Variants in KIF16B observed in about 807,000 individuals in gnomAD.
KIF16B encodes kinesin family member 16B, also known as kinesin-like protein KIF16B.
Under a neutral mutation model 156.3 loss-of-function variants are expected in KIF16B, and 98 were observed. The ratio of observed to expected loss-of-function variants is 0.63; its 90% CI spans 0.53 to 0.74. The LOEUF is 0.74. Ranked by LOEUF, KIF16B falls within the 30% of genes least tolerant of loss-of-function variation. The pLI, the probability that KIF16B is intolerant of heterozygous loss-of-function variation, is 0.00. For synonymous variants in KIF16B, 564 were observed against 583.7 expected (o/e 0.97, Z 0.49); for missense variants, 1,421 against 1,606.5 (o/e 0.88, Z 1.97).
intron 1 of KIF16B, among the ~76,000 whole-genome samples, chr20:16,529,291 G>A (rs752740864): frequency 2.0e-5 from 3 of 152,086 alleles, no homozygotes; most frequent in Admixed American, 1.3e-4. Flanking sequence ...TCTTTAGAAC[G>A]ATAAAAATGA....
intron 24 of KIF16B, among the ~76,000 whole-genome samples, chr20:16,332,244 C>T (rs1257945246): frequency 6.6e-6 from 1 of 152,162 alleles, no homozygotes; most frequent in East Asian, 1.9e-4. Flanking sequence ...ATCTCCCACT[C>T]TTCAGTATCT....
At chr20:16,363,613 G>C (rs1235754533) in intron 22 of KIF16B, among the ~76,000 whole-genome samples, 1 of 152,174 alleles carries the variant, frequency 6.6e-6, no homozygotes, top group Non-Finnish European at 1.5e-5. Flanking sequence ...GTTGGCCAAT[G>C]AGATGTTAGC....
chr20:16,453,710 T>C (rs1220513529), intron 12 of KIF16B, among the ~76,000 whole-genome samples: 2 of 152,214 alleles, frequency 1.3e-5, no homozygotes, highest in African/African-American at 2.4e-5. Context: ...AAAAGCTGTC[T>C]TATTTTCATT....
At chr20:16,505,129 G>A (rs113598386) in intron 9 of KIF16B, among the ~76,000 whole-genome samples, 83 of 152,292 alleles carry the variant, frequency 5.5e-4, no homozygotes, top group African/African-American at 1.6e-3. Context: ...CATGGGAAGG[G>A]CATGAAGAGA....
At chr20:16,435,963 C>T (rs915756816) in intron 12 of KIF16B, among the ~76,000 whole-genome samples, 9 of 152,006 alleles carry the variant, frequency 5.9e-5, no homozygotes, top group Non-Finnish European at 1.2e-4. Flanking sequence ...TTTGTTCTAC[C>T]GAATGAAACA....
chr20:16,415,631 G>A (rs139626617), intron 15 of KIF16B, among the ~76,000 whole-genome samples: 31 of 152,178 alleles, frequency 2.0e-4, no homozygotes, highest in African/African-American at 6.0e-4. Context: ...ACTCAACAGC[G>A]TTGATCTCAC....
chr20:16,331,628 T>G (rs2063950002), intron 24 of KIF16B, among the ~76,000 whole-genome samples: 1 of 152,202 alleles, frequency 6.6e-6, no homozygotes, highest in Non-Finnish European at 1.5e-5. Context: ...AGAATAGTCT[T>G]CTACTTCCAC....
chr20:16,309,169 A>G (rs2063583334), intron 25 of KIF16B, among the ~76,000 whole-genome samples: 2 of 152,258 alleles, frequency 1.3e-5, no homozygotes, highest in African/African-American at 4.8e-5. Context: ...TTTGAGCATG[A>G]GATGTAAAGC....
chr20:16,470,572 C>T (rs2067633097), intron 12 of KIF16B, among the ~76,000 whole-genome samples: 1 of 152,024 alleles, frequency 6.6e-6, no homozygotes, highest in South Asian at 2.1e-4. Flanking sequence ...AGCCTCCAAC[C>T]CCCCAGGCTC....
intron 4 of KIF16B, among the ~76,000 whole-genome samples, chr20:16,514,885 CAAAAAAAAAAAAAAAAAAA>C (rs10564862): frequency 2.5e-4 from 15 of 60,782 alleles, no homozygotes; most frequent in African/African-American, 1.1e-3. Flanking sequence ...GATTCCATCT[CAAAAAAAAAAAAAAAAAAA>C]AAAAAAAAAA....
chr20:16,406,360 G>C lies in KIF16B; in HGVS notation c.1695+14C>G. ...CGATCAGTGGTTCCCTCCTAGAGAC[G>C]CCGTGTCCCTCACCTTCCTCTTCTC... is the stretch of plus-strand genomic sequence containing the variant. On this transcript the variant is annotated intron_variant, in intron 16 of 25. Transcript: ENST00000354981. 6.2e-7 allele frequency: 1 copy of C among 1,610,410 alleles called. No homozygotes were observed.
intron 22 of KIF16B, among the ~76,000 whole-genome samples, chr20:16,369,960 C>T (rs903287806): frequency 5.9e-5 from 9 of 152,116 alleles, no homozygotes; most frequent in African/African-American, 1.7e-4. Context: ...GGTGTGGCTG[C>T]GGCCAAAGTC....
intron 1 of KIF16B, among the ~76,000 whole-genome samples, chr20:16,530,307 C>A (rs1286632868): frequency 6.6e-6 from 1 of 152,156 alleles, no homozygotes; most frequent in Non-Finnish European, 1.5e-5. Flanking sequence ...CCTGGTGAGT[C>A]ACTTCTAATG....
At chr20:16,320,246 C>T (rs1028432598) in intron 24 of KIF16B, among the ~76,000 whole-genome samples, 3 of 152,092 alleles carry the variant, frequency 2.0e-5, no homozygotes, top group Non-Finnish European at 2.9e-5. Context: ...AAACATAAAA[C>T]CTCGCACTAA....
intron 17 of KIF16B, among the ~76,000 whole-genome samples, chr20:16,390,520 G>T (rs1206090675): frequency 6.6e-6 from 1 of 151,864 alleles, no homozygotes; most frequent in Non-Finnish European, 1.5e-5. Flanking sequence ...TATTTTACAG[G>T]CCAGAAGAAT....
At position 16,506,005 on chromosome 20, in the gene KIF16B, G is replaced by A. The variant is rs773106175; in HGVS notation, c.868+17C>T. On this transcript the variant is annotated intron_variant, in intron 8 of 25. Coordinates refer to ENST00000354981, the MANE Select transcript of KIF16B (RefSeq NM_024704.5). ...AGAGGAGGAAACAGAGGAGGCAGGA[G>A]CCAGGCGTAAGCATACCTAAGGCAG... 1 of 1,613,544 alleles carries A rather than the reference G, an allele frequency of 6.2e-7. No homozygotes were observed. The highest frequency in any genetic ancestry group is 1.1e-5 in the South Asian group (1 of 91,070).
intron 1 of KIF16B, among the ~76,000 whole-genome samples, chr20:16,566,415 T>C (rs980336945): frequency 6.6e-5 from 10 of 151,878 alleles, no homozygotes; most frequent in Admixed American, 1.3e-4. Context: ...GGTGCTAGTA[T>C]TATTATTTCC....
At chr20:16,367,863 G>T in intron 22 of KIF16B, 3 of 1,574,310 alleles carry the variant, frequency 1.9e-6, no homozygotes, top group South Asian at 1.2e-5. Context: ...TGAATACAGT[G>T]AGCAGAAGAC....
At chr20:16,542,502 A>G (rs186608558) in intron 1 of KIF16B, among the ~76,000 whole-genome samples, 1 of 152,324 alleles carries the variant, frequency 6.6e-6, no homozygotes, top group East Asian at 1.9e-4. Flanking sequence ...ATGTCATGGA[A>G]AAGGACTAAC....
Sources: allele counts gnomAD v4.1 joint callset (sites outside exome capture counted in the v4.1 genomes callset), GRCh38; gene constraint gnomAD v4.1.1; transcripts MANE v1.5; gene names NCBI Gene and HGNC (gene_info 2026-07-23, HGNC 2026-07-21).